Variants in PCDHGB7 observed in about 807,000 individuals in gnomAD.
The protein encoded by PCDHGB7 is protocadherin gamma subfamily B, 7.
Under a neutral mutation model 61.4 loss-of-function variants are expected in PCDHGB7, and 37 were observed. The observed-to-expected ratio is 0.60, with a 90% CI of 0.46 to 0.79. The LOEUF is 0.79. Ranked by LOEUF, PCDHGB7 falls within the 30% of genes least tolerant of loss-of-function variation. The pLI, the probability that PCDHGB7 is intolerant of heterozygous loss-of-function variation, is 0.00. For synonymous variants in PCDHGB7, 464 were observed against 503.5 expected, an observed-to-expected ratio of 0.92 and a Z score of 1.05; for missense variants, 1,166 against 1,202.5, an observed-to-expected ratio of 0.97 and a Z score of 0.45.
chr5:141,472,557 A>G (rs2099288029), intron 1 of PCDHGB7, among the ~76,000 whole-genome samples: 3 of 152,044 alleles, frequency 2.0e-5, no homozygotes, highest in Admixed American at 1.3e-4. Flanking sequence ...AAAAAATTAT[A>G]TTATAAATGC....
intron 1 of PCDHGB7, among the ~76,000 whole-genome samples, chr5:141,467,772 C>A (rs972304213): frequency 1.3e-5 from 2 of 151,686 alleles, no homozygotes; most frequent in Admixed American, 6.6e-5. Flanking sequence ...AGTGCCCGCA[C>A]CTCAGCCTCT....
intron 3 of PCDHGB7, among the ~76,000 whole-genome samples, chr5:141,509,277 T>TC (rs566266970): frequency 0.011 from 1,653 of 152,240 alleles, 22 homozygotes; most frequent in Non-Finnish European, 0.018. Context: ...CGCTACCCGC[T>TC]CCCAGGGTCC....
chr5:141,423,415 G>GA (rs750028507), intron 1 of PCDHGB7: 3 of 1,614,134 alleles, frequency 1.9e-6, no homozygotes, highest in Non-Finnish European at 2.5e-6. Context: ...GCAGGCTTCT[G>GA]AAGGCGGGTT....
At chr5:141,450,642 A>C (rs2098688710) in intron 1 of PCDHGB7, among the ~76,000 whole-genome samples, 1 of 151,504 alleles carries the variant, frequency 6.6e-6, no homozygotes, top group Non-Finnish European at 1.5e-5. Context: ...GCCTGCCACC[A>C]TGCCTGGCTA....
chr5:141,443,307 C>A (rs1447607301), intron 1 of PCDHGB7, among the ~76,000 whole-genome samples: 1 of 136,584 alleles, frequency 7.3e-6, no homozygotes, highest in Non-Finnish European at 1.5e-5. Flanking sequence ...ATGGCAAAAA[C>A]CCATCTCTAC....
intron 1 of PCDHGB7, chr5:141,421,852 C>T: frequency 6.2e-7 from 1 of 1,613,770 alleles, no homozygotes; most frequent in South Asian, 1.1e-5. Context: ...AGAGGCTGCT[C>T]ACCTGCTCCT....
In PCDHGB7 at chr5:141,477,472, C is replaced by T. The variant is rs764533834; in HGVS notation, c.2416-17335C>T. 1 of 1,614,156 alleles carries T rather than the reference C, an allele frequency of 6.2e-7. No homozygotes were observed. Among genetic ancestry groups the T allele is most frequent in the South Asian group, 1.1e-5 (1 of 91,080 alleles). Reference sequence around the variant, plus strand: ...GTGTTCAAGTGTCCGACATCAATGACAACCCTCCACAATCTTCTCAATCTT... The same window carrying T: ...GTGTTCAAGTGTCCGACATCAATGATAACCCTCCACAATCTTCTCAATCTT... On this transcript the variant is annotated intron_variant, in intron 1 of 3. Transcript: ENST00000398594. This position sits in a 1 kb window ranked among gnomAD's most constrained non-coding sequence, Gnocchi z 4.9.
At chr5:141,427,707 T>C in intron 1 of PCDHGB7, 1 of 1,011,828 alleles carries the variant, frequency 9.9e-7, no homozygotes, top group Non-Finnish European at 1.5e-6. Context: ...AGTCAGCGCC[T>C]CTGACCTGGA....
chr5:141,436,087 T>C (rs927404291), intron 1 of PCDHGB7, among the ~76,000 whole-genome samples: 1 of 152,198 alleles, frequency 6.6e-6, no homozygotes, highest in Non-Finnish European at 1.5e-5. Flanking sequence ...CTATAGGTAA[T>C]ATTGAGAGAA....
At chr5:141,463,176 C>T (rs989201395) in intron 1 of PCDHGB7, among the ~76,000 whole-genome samples, 2 of 152,100 alleles carry the variant, frequency 1.3e-5, no homozygotes, top group African/African-American at 4.8e-5. Context: ...TATGTATGCT[C>T]AGATTATTAT....
At chr5:141,494,583 G>A (rs2099755431) in intron 1 of PCDHGB7, among the ~76,000 whole-genome samples, 1 of 152,152 alleles carries the variant, frequency 6.6e-6, no homozygotes, top group Non-Finnish European at 1.5e-5. Flanking sequence ...CTTGCTCACT[G>A]TGGTCAGATG....
chr5:141,475,978 G>C, intron 1 of PCDHGB7: 1 of 1,010,712 alleles, frequency 9.9e-7, no homozygotes, highest in Non-Finnish European at 1.4e-6. Context: ...AGACTGAACA[G>C]CCGGCGAGCA....
intron 1 of PCDHGB7, among the ~76,000 whole-genome samples, chr5:141,492,084 G>C (rs979755390): frequency 2.0e-5 from 3 of 152,236 alleles, no homozygotes; most frequent in African/African-American, 7.2e-5. Flanking sequence ...GCTCCGGCAC[G>C]CTTCGCCGGT....
intron 1 of PCDHGB7, among the ~76,000 whole-genome samples, chr5:141,452,803 A>G (rs1045171800): frequency 2.6e-5 from 4 of 152,186 alleles, no homozygotes; most frequent in African/African-American, 9.7e-5. Context: ...TTTTTGCTGT[A>G]GTTTGTTCAT....
chr5:141,487,661 C>A lies in PCDHGB7; in HGVS notation c.2416-7146C>A. ...ACAAATGCTTGAGGGTTATTCTGATCCAGGCATATGGCTAGGCCATGTCCT... is the reference window on the plus strand; with the variant it reads ...ACAAATGCTTGAGGGTTATTCTGATACAGGCATATGGCTAGGCCATGTCCT... On this transcript the variant is annotated intron_variant, in intron 1 of 3. Transcript: ENST00000398594. This position sits in a 1 kb window ranked among gnomAD's most constrained non-coding sequence, Gnocchi z 5.0. The A allele has an allele frequency of 6.2e-7, 1 of 1,613,366 alleles. No homozygotes were observed. Among genetic ancestry groups the A allele is most frequent in the Non-Finnish European group, 8.5e-7 (1 of 1,179,646 alleles).
intron 3 of PCDHGB7, among the ~76,000 whole-genome samples, chr5:141,506,444 C>CA (rs1219684339): frequency 0.017 from 1,570 of 94,842 alleles, 20 homozygotes; most frequent in African/African-American, 0.048. Flanking sequence ...CGCTCTGTCT[C>CA]AAAAAAAAAA....
At position 141,463,610 on chromosome 5, in the gene PCDHGB7, G is replaced by T. The variant is rs189991450; in HGVS notation, c.2416-31197G>T. Among the ~76,000 whole-genome samples, 263 of 151,786 alleles carry T rather than the reference G, an allele frequency of 1.7e-3. 1 individual carries two copies. The highest frequency in any genetic ancestry group is 3.4e-3 in the Middle Eastern group (1 of 292). ...ACTACAGGTGCCTGCCACCATGCCC[G>T]GCTAATTTTTTGTATTTTGTTTAGT... On this transcript the variant is annotated intron_variant, in intron 1 of 3. Transcript: ENST00000398594.
intron 1 of PCDHGB7, among the ~76,000 whole-genome samples, chr5:141,455,904 TTTATTTA>T: frequency 6.8e-6 from 1 of 147,982 alleles, no homozygotes. Flanking sequence ...TATTTATTTA[TTTATTTA>T]TTTTGAGACG....
rs1445450316 is a variant in PCDHGB7, at chr5:141,491,210, C to T, written c.2416-3597C>T. On this transcript the variant is annotated intron_variant, in intron 1 of 3. Coordinates refer to ENST00000398594, the MANE Select transcript of PCDHGB7 (RefSeq NM_018927.4). The surrounding 1 kb of genome is among the most constrained non-coding windows in gnomAD (Gnocchi z 6.9). ...AGGGACAATGGTGACCCTTCACTCT[C>T]CTCCACAGCCACAGTGCTGCTGGTT... The T allele has an allele frequency of 3.7e-6, 6 of 1,614,228 alleles. No homozygotes were observed. Among genetic ancestry groups the T allele is most frequent in the Non-Finnish European group, 3.4e-6 (4 of 1,180,032 alleles).
Sources: allele counts gnomAD v4.1 joint callset (sites outside exome capture counted in the v4.1 genomes callset), GRCh38; gene constraint gnomAD v4.1.1; non-coding constraint Gnocchi (gnomAD v3.1); transcripts MANE v1.5; gene names NCBI Gene and HGNC (gene_info 2026-07-23, HGNC 2026-07-21).